PRKAR2B: variants seen among roughly 807,000 people sequenced by gnomAD.
PRKAR2B encodes the protein protein kinase cAMP-dependent type II regulatory subunit beta.
In PRKAR2B, 14 loss-of-function variants were observed where a neutral mutation model predicts 49.9. The ratio of observed to expected loss-of-function variants is 0.28; its 90% CI spans 0.19 to 0.44. The LOEUF is 0.44. Among genes scored for constraint, PRKAR2B ranks in the 20% least tolerant of loss-of-function variants. The pLI is 1.00. For missense variants in PRKAR2B, 393 were observed against 537.9 expected (o/e 0.73, Z 2.67); for synonymous variants, 196 against 197.7 (o/e 0.99, Z 0.07).
chr7:107,144,146 G>T (rs567853949), intron 5 of PRKAR2B, among the ~76,000 whole-genome samples: 3 of 151,276 alleles, frequency 2.0e-5, no homozygotes, highest in African/African-American at 7.3e-5. Flanking sequence ...GTGCAGTGGC[G>T]CAATCTCAGC....
At chr7:107,090,809 T>G (rs1794720688) in intron 2 of PRKAR2B, among the ~76,000 whole-genome samples, 1 of 152,226 alleles carries the variant, frequency 6.6e-6, no homozygotes, top group Non-Finnish European at 1.5e-5. Flanking sequence ...CATTACTGTT[T>G]ATAACAGAAT....
chr7:107,144,053 C>CTTATTTATTTATTTAT (rs60565381), intron 5 of PRKAR2B, among the ~76,000 whole-genome samples: 4 of 143,434 alleles, frequency 2.8e-5, no homozygotes, highest in East Asian at 2.0e-4. Flanking sequence ...CAATTCTTTT[C>CTTATTTATTTATTTAT]TTATTTATTT....
At chr7:107,145,668 C>G (rs1795877447) in intron 5 of PRKAR2B, among the ~76,000 whole-genome samples, 1 of 151,612 alleles carries the variant, frequency 6.6e-6, no homozygotes, top group African/African-American at 2.4e-5. Flanking sequence ...ATCCTCTTAC[C>G]TTGGACTTCC....
At chr7:107,051,140 TCA>T (rs1168913332) in intron 1 of PRKAR2B, among the ~76,000 whole-genome samples, 1 of 152,216 alleles carries the variant, frequency 6.6e-6, no homozygotes, top group Non-Finnish European at 1.5e-5. Context: ...TTGAGTTTGT[TCA>T]TACAACTGTT....
At chr7:107,113,458 T>A (rs1020124181) in intron 2 of PRKAR2B, among the ~76,000 whole-genome samples, 2 of 152,212 alleles carry the variant, frequency 1.3e-5, no homozygotes, top group Non-Finnish European at 2.9e-5. Flanking sequence ...TTAGAAATCC[T>A]TACCAGACCA....
chr7:107,126,420 C>CAAAAAAAAAAAAAAAAAAA lies in PRKAR2B; in HGVS notation c.397-1787_397-1769dup, dbSNP rs35682952. On this transcript the variant is annotated intron_variant, in intron 3 of 10. Coordinates refer to ENST00000265717, the MANE Select transcript of PRKAR2B (RefSeq NM_002736.3). ...TGGGCAACAGAGTGAGAATCTGTCTCAAAAAAAAAAAAAAAAAAAAAAAGT... is the reference window on the plus strand; with the variant it reads ...TGGGCAACAGAGTGAGAATCTGTCTCAAAAAAAAAAAAAAAAAAAAAAAAAAAAAAAAAAAAAAAAAAGT... Among the ~76,000 whole-genome samples the CAAAAAAAAAAAAAAAAAAA allele has an allele frequency of 7.8e-4, 30 of 38,394 alleles. 2 individuals are homozygous for CAAAAAAAAAAAAAAAAAAA. Among genetic ancestry groups the CAAAAAAAAAAAAAAAAAAA allele is most frequent in the Middle Eastern group, 0.012 (1 of 84 alleles). The allele number at this position is 38,394 out of a possible 152,430, so 25.2% of individuals were successfully genotyped here.
chr7:107,135,087 C>G (rs1795670605), intron 4 of PRKAR2B, among the ~76,000 whole-genome samples: 1 of 151,476 alleles, frequency 6.6e-6, no homozygotes, highest in South Asian at 2.1e-4. Flanking sequence ...TGATAAAGAT[C>G]TAGTATCCAA....
chr7:107,058,064 T>TA (rs11409171), intron 1 of PRKAR2B, among the ~76,000 whole-genome samples: 24,904 of 140,250 alleles, frequency 0.18, 4,384 homozygotes, highest in African/African-American at 0.46. Flanking sequence ...GAAAAAAAAG[T>TA]AAAAAAAAAA....
intron 1 of PRKAR2B, among the ~76,000 whole-genome samples, chr7:107,063,193 G>T (rs1208883754): frequency 6.6e-6 from 1 of 152,010 alleles, no homozygotes; most frequent in African/African-American, 2.4e-5. Context: ...TAATAGAGAC[G>T]GGTTTTACCA....
chr7:107,099,803 T>A (rs1022889930), intron 2 of PRKAR2B, among the ~76,000 whole-genome samples: 8 of 152,028 alleles, frequency 5.3e-5, no homozygotes, highest in African/African-American at 1.9e-4. Flanking sequence ...CCTGGCTAAT[T>A]TTTTGTATTT....
At chr7:107,099,085 C>G (rs528922322) in intron 2 of PRKAR2B, among the ~76,000 whole-genome samples, 19 of 152,310 alleles carry the variant, frequency 1.2e-4, no homozygotes, top group Non-Finnish European at 2.5e-4. Context: ...TTTTTGGTGC[C>G]TTTTGTTCAG....
chr7:107,153,356 G>A, intron 8 of PRKAR2B, 105 bp downstream of exon 8: 1 of 698,454 alleles, frequency 1.4e-6, no homozygotes, highest in Non-Finnish European at 2.3e-6. Flanking sequence ...AGTATGCAGT[G>A]ATGGGTTAAA....
intron 8 of PRKAR2B, among the ~76,000 whole-genome samples, chr7:107,156,279 GA>G (rs892788444): frequency 2.0e-5 from 3 of 150,946 alleles, no homozygotes; most frequent in South Asian, 2.1e-4. Context: ...TTAAAAAAAG[GA>G]AAAAAAAATT....
At chr7:107,094,429 T>C (rs1195933530) in intron 2 of PRKAR2B, among the ~76,000 whole-genome samples, 1 of 152,208 alleles carries the variant, frequency 6.6e-6, no homozygotes, top group Non-Finnish European at 1.5e-5. Context: ...ATGGGTAGGT[T>C]ATAAAAATTT....
At chr7:107,085,547 G>A (rs1339877342) in intron 2 of PRKAR2B, among the ~76,000 whole-genome samples, 1 of 152,098 alleles carries the variant, frequency 6.6e-6, no homozygotes, top group Non-Finnish European at 1.5e-5. Flanking sequence ...TGAAAACAAA[G>A]GGTTGTGTCT....
intron 5 of PRKAR2B, among the ~76,000 whole-genome samples, chr7:107,143,291 C>A (rs1328689858): frequency 6.6e-6 from 1 of 152,230 alleles, no homozygotes; most frequent in Non-Finnish European, 1.5e-5. Context: ...GCATTTTGAG[C>A]ATCAACATGA....
chr7:107,114,915 G>A (rs1795243405), intron 2 of PRKAR2B, among the ~76,000 whole-genome samples: 1 of 151,970 alleles, frequency 6.6e-6, no homozygotes, highest in Non-Finnish European at 1.5e-5. Context: ...AGTAAATTTG[G>A]AGTTTTATTC....
At chr7:107,149,115 A>G (rs768503070) in intron 6 of PRKAR2B, among the ~76,000 whole-genome samples, 2 of 152,202 alleles carry the variant, frequency 1.3e-5, no homozygotes, top group Non-Finnish European at 2.9e-5. Flanking sequence ...TGAGCCCTAC[A>G]TGCAGAGATC....
intron 7 of PRKAR2B, among the ~76,000 whole-genome samples, chr7:107,151,483 C>T (rs545132754): frequency 6.6e-6 from 1 of 152,360 alleles, no homozygotes; most frequent in South Asian, 2.1e-4. Context: ...TACACTTATT[C>T]ACTTGGTGAA....
Sources: gnomAD v4.1 joint callset for allele counts (sites outside exome capture counted in the v4.1 genomes callset) on GRCh38, gnomAD v4.1.1 for gene constraint, MANE v1.5 for transcripts, NCBI Gene and HGNC (gene_info 2026-07-23, HGNC 2026-07-21) for gene names.